The following DOCK4 variants were observed in gnomAD, a reference collection of about 807,000 sequenced individuals.
DOCK4 encodes dedicator of cytokinesis 4, also known as dedicator of cytokinesis protein 4.
Under a neutral mutation model 268.1 loss-of-function variants are expected in DOCK4, and 97 were observed. The ratio of observed to expected loss-of-function variants is 0.36; its 90% CI spans 0.31 to 0.43. The LOEUF (loss-of-function observed/expected upper bound fraction) is 0.43, where lower values mean the gene tolerates loss of function less well. Among genes scored for constraint, DOCK4 ranks in the 20% least tolerant of loss-of-function variants. The pLI is 1.00. For missense variants in DOCK4, 2,145 were observed against 2,455.7 expected (o/e 0.87, Z 2.67); for synonymous variants, 954 against 887.2 (o/e 1.08, Z -1.34).
intron 37 of DOCK4, among the ~76,000 whole-genome samples, chr7:111,767,421 T>G (rs998955384): frequency 2.0e-5 from 3 of 151,916 alleles, no homozygotes; most frequent in African/African-American, 7.3e-5. Flanking sequence ...GAGATGGGGT[T>G]TCACCATGTT....
At chr7:112,075,430 G>A (rs1470207221) in intron 1 of DOCK4, among the ~76,000 whole-genome samples, 1 of 152,130 alleles carries the variant, frequency 6.6e-6, no homozygotes, top group Non-Finnish European at 1.5e-5. Context: ...AGTTCATAGA[G>A]GAATCATCAC....
chr7:111,871,108 CT>C (rs1357147713), intron 20 of DOCK4, among the ~76,000 whole-genome samples: 4 of 152,134 alleles, frequency 2.6e-5, no homozygotes, highest in African/African-American at 9.7e-5. Context: ...ACCTATTAAC[CT>C]TTATATATTA....
At chr7:111,896,696 G>T (rs1297279370) in intron 15 of DOCK4, among the ~76,000 whole-genome samples, 1 of 152,054 alleles carries the variant, frequency 6.6e-6, no homozygotes, top group East Asian at 1.9e-4. Context: ...TGAGCTGGAG[G>T]AGTTAGGTAT....
intron 1 of DOCK4, among the ~76,000 whole-genome samples, chr7:112,127,758 C>T (rs1358431304): frequency 2.0e-5 from 3 of 152,080 alleles, no homozygotes; most frequent in Non-Finnish European, 4.4e-5. Context: ...TGGCTGGGTG[C>T]GGCGGCTAGC....
At chr7:111,978,365 G>A (rs1208367619) in intron 7 of DOCK4, among the ~76,000 whole-genome samples, 4 of 152,154 alleles carry the variant, frequency 2.6e-5, no homozygotes, top group Non-Finnish European at 5.9e-5. Context: ...CAGAGTACTT[G>A]GGACTACAGG....
At chr7:111,892,462 A>T (rs911062475) in intron 16 of DOCK4, among the ~76,000 whole-genome samples, 2 of 152,192 alleles carry the variant, frequency 1.3e-5, no homozygotes, top group Non-Finnish European at 2.9e-5. Context: ...TTGGCCTCCC[A>T]AAGTGCTGGG....
chr7:112,134,063 T>C (rs1814075138), intron 1 of DOCK4, among the ~76,000 whole-genome samples: 1 of 152,218 alleles, frequency 6.6e-6, no homozygotes, highest in Non-Finnish European at 1.5e-5. Flanking sequence ...CAATTTGACA[T>C]TTAGAAAAAT....
At chr7:111,980,877 C>A (rs1798556963) in intron 7 of DOCK4, among the ~76,000 whole-genome samples, 1 of 152,174 alleles carries the variant, frequency 6.6e-6, no homozygotes, top group Admixed American at 6.5e-5. Flanking sequence ...CCTGCAGGCA[C>A]AAATAGGAGA....
chr7:112,145,809 TAGTTAC>T (rs1244006302), intron 1 of DOCK4, among the ~76,000 whole-genome samples: 2 of 140,908 alleles, frequency 1.4e-5, no homozygotes, highest in Non-Finnish European at 3.2e-5. Context: ...TCACAGAACT[TAGTTAC>T]TTGGAAGAAA....
intron 44 of DOCK4, 36 bp downstream of exon 44, chr7:111,746,298 G>C (rs780244668): frequency 1.5e-5 from 24 of 1,572,746 alleles, no homozygotes; most frequent in Non-Finnish European, 1.9e-5. Flanking sequence ...ACATATCCAG[G>C]CAAAATAGAA....
intron 8 of DOCK4, among the ~76,000 whole-genome samples, chr7:111,946,422 C>T (rs964065250): frequency 3.9e-5 from 6 of 152,032 alleles, no homozygotes; most frequent in African/African-American, 4.8e-5. Flanking sequence ...CATAAGGAGG[C>T]GAGGCTAGGC....
At chr7:111,915,664 C>T in intron 13 of DOCK4, 115 bp downstream of exon 13, 1 of 1,057,832 alleles carries the variant, frequency 9.5e-7, no homozygotes, top group Non-Finnish European at 1.3e-6. Flanking sequence ...TCATTTCATT[C>T]TTCAGCATGG....
intron 1 of DOCK4, among the ~76,000 whole-genome samples, chr7:112,189,746 G>GTTTTTTTTTTTTTTTTTTTTTTTTTTT (rs57399750): frequency 1.0e-5 from 1 of 95,776 alleles, no homozygotes; most frequent in Non-Finnish European, 1.9e-5. Context: ...TCTGGGTTTT[G>GTTTTTTTTTTTTTTTTTTTTTTTTTTT]TTTTTTTTTT....
At position 111,847,349 on chromosome 7, in the gene DOCK4, ATCTTTCT is replaced by A. The variant is rs1385824648; in HGVS notation, c.2474-230_2474-224del. On this transcript the variant is annotated intron_variant, in intron 23 of 52. Transcript: ENST00000428084. ...TTTGACACTTTTAGGTGAAATAGATATCTTTCTAAAATTATTTGTTTTACCTCTAAAT... is the reference window on the plus strand; with the variant it reads ...TTTGACACTTTTAGGTGAAATAGATAAAAATTATTTGTTTTACCTCTAAAT... Among the ~76,000 whole-genome samples, 6 of 152,356 alleles carry A rather than the reference ATCTTTCT, an allele frequency of 3.9e-5. No homozygotes were observed. The East Asian group carries it at 9.6e-4, about 24-fold the overall frequency.
intron 1 of DOCK4, among the ~76,000 whole-genome samples, chr7:112,066,196 C>T (rs1256399313): frequency 6.6e-6 from 1 of 152,122 alleles, no homozygotes; most frequent in Non-Finnish European, 1.5e-5. Context: ...TGGGTGGGCA[C>T]TATCCAACTG....
chr7:111,839,179 C>T (rs947729973), intron 25 of DOCK4, among the ~76,000 whole-genome samples: 1 of 152,162 alleles, frequency 6.6e-6, no homozygotes, highest in African/African-American at 2.4e-5. Context: ...AGAGAAAATA[C>T]ACCTGAGGTT....
chr7:112,136,491 C>T (rs1814361677), intron 1 of DOCK4, among the ~76,000 whole-genome samples: 1 of 152,228 alleles, frequency 6.6e-6, no homozygotes, highest in Non-Finnish European at 1.5e-5. Context: ...CTCCCTCACA[C>T]ATGCGTAACA....
chr7:112,038,163 C>T (rs1262260988), intron 1 of DOCK4, among the ~76,000 whole-genome samples: 7 of 152,188 alleles, frequency 4.6e-5, no homozygotes, highest in Non-Finnish European at 7.3e-5. Context: ...CAGATCATAA[C>T]ATTTTATATC....
intron 1 of DOCK4, among the ~76,000 whole-genome samples, chr7:112,012,572 C>A (rs1282321669): frequency 1.3e-5 from 2 of 152,142 alleles, no homozygotes; most frequent in African/African-American, 2.4e-5. Flanking sequence ...CAGAAGGCAA[C>A]TGCTTTTCCC....
Sources: allele counts gnomAD v4.1 joint callset (sites outside exome capture counted in the v4.1 genomes callset), GRCh38; gene constraint gnomAD v4.1.1; transcripts MANE v1.5; gene names NCBI Gene and HGNC (gene_info 2026-07-23, HGNC 2026-07-21).